The following CSMD1 variants were observed in gnomAD, a reference collection of about 807,000 sequenced individuals.
The protein encoded by CSMD1 is CUB and Sushi multiple domains 1.
In CSMD1, 213 loss-of-function variants were observed where a neutral mutation model predicts 417.5. The ratio of observed to expected loss-of-function variants is 0.51; its 90% CI spans 0.46 to 0.57. CSMD1 has a LOEUF of 0.57. Among genes scored for constraint, CSMD1 ranks in the 20% least tolerant of loss-of-function variants. The pLI, the probability that CSMD1 is intolerant of heterozygous loss-of-function variation, is 0.00. For synonymous variants in CSMD1, 2,862 were observed against 1,736.8 expected (o/e 1.65, Z -16.11); for missense variants, 6,923 against 4,529.7 (o/e 1.53, Z -15.17).
chr8:3,856,068 T>C (rs993609714), intron 5 of CSMD1, among the ~76,000 whole-genome samples: 9 of 152,272 alleles, frequency 5.9e-5, no homozygotes, highest in African/African-American at 1.9e-4. Flanking sequence ...TGGAATGGTT[T>C]GGATCTGTGT....
chr8:3,705,979 C>T (rs1300229076), intron 7 of CSMD1, among the ~76,000 whole-genome samples: 1 of 152,236 alleles, frequency 6.6e-6, no homozygotes, highest in African/African-American at 2.4e-5. Flanking sequence ...AAAGCACTTT[C>T]ATACTCAGTC....
At position 4,727,611 on chromosome 8, in the gene CSMD1, C is replaced by G. The variant is rs1255567231; in HGVS notation, c.86-90053G>C. On this transcript the variant is annotated intron_variant, in intron 1 of 69. Transcript: ENST00000635120. The stretch of plus-strand genomic sequence containing the variant: ...AACGTCTTCTAGCTGTTAATGACTT[C>G]CAAGTTTATATTTCCGTGATCTGGT... Among the ~76,000 whole-genome samples, 3 of 152,228 alleles carry G rather than the reference C, an allele frequency of 2.0e-5. No individual in the cohort carries two copies. In the East Asian group the frequency reaches 5.8e-4, roughly 29 times the overall value.
chr8:4,411,036 C>T (rs1158201374), intron 3 of CSMD1, among the ~76,000 whole-genome samples: 1 of 152,082 alleles, frequency 6.6e-6, no homozygotes, highest in African/African-American at 2.4e-5. Flanking sequence ...TCCCGTTTTG[C>T]TGGTCCACCA....
At chr8:3,585,378 G>C (rs1035570699) in intron 9 of CSMD1, among the ~76,000 whole-genome samples, 1 of 152,064 alleles carries the variant, frequency 6.6e-6, no homozygotes, top group Non-Finnish European at 1.5e-5. Flanking sequence ...TCAAACTAGG[G>C]CTTTTTCTCC....
chr8:3,915,143 C>T (rs776995216), intron 5 of CSMD1, among the ~76,000 whole-genome samples: 18 of 152,014 alleles, frequency 1.2e-4, no homozygotes, highest in South Asian at 2.1e-4. Context: ...TAGTAGTTCA[C>T]GCCTGTAATC....
intron 26 of CSMD1, among the ~76,000 whole-genome samples, chr8:3,254,459 C>T (rs934440684): frequency 6.6e-6 from 1 of 152,190 alleles, no homozygotes; most frequent in Non-Finnish European, 1.5e-5. Flanking sequence ...GGTTTATATC[C>T]TGCAGAGTGT....
At chr8:4,236,049 T>TTTTTTTTTTTTTTTTTTTG (rs1802035805) in intron 3 of CSMD1, among the ~76,000 whole-genome samples, 1 of 73,098 alleles carries the variant, frequency 1.4e-5, no homozygotes, top group African/African-American at 5.1e-5. Context: ...GTTTTTTTTT[T>TTTTTTTTTTTTTTTTTTTG]TTTTTTTTTT....
intron 6 of CSMD1, among the ~76,000 whole-genome samples, chr8:3,746,963 A>T (rs1267342023): frequency 6.6e-6 from 1 of 152,250 alleles, no homozygotes; most frequent in Non-Finnish European, 1.5e-5. Flanking sequence ...TGAGAAATAA[A>T]GCTGTGACTA....
intron 1 of CSMD1, among the ~76,000 whole-genome samples, chr8:4,865,719 G>T (rs76726717): frequency 6.6e-6 from 1 of 151,774 alleles, no homozygotes; most frequent in Non-Finnish European, 1.5e-5. Context: ...AATGCAAAAT[G>T]TATCTAAATT....
At chr8:4,352,768 C>T (rs190850123) in intron 3 of CSMD1, among the ~76,000 whole-genome samples, 2 of 152,184 alleles carry the variant, frequency 1.3e-5, no homozygotes, top group East Asian at 1.9e-4. Context: ...CCATGGCAGA[C>T]AAATCTACTG....
chr8:4,215,255 G>C (rs1012600195), intron 3 of CSMD1, among the ~76,000 whole-genome samples: 1 of 152,116 alleles, frequency 6.6e-6, no homozygotes, highest in South Asian at 2.1e-4. Context: ...CTTTTCTCCT[G>C]TTCATAGCCA....
intron 52 of CSMD1, among the ~76,000 whole-genome samples, chr8:3,011,640 A>G (rs1585145954): frequency 6.6e-6 from 1 of 152,328 alleles, no homozygotes; most frequent in East Asian, 1.9e-4. Flanking sequence ...ACAATCTAAT[A>G]AAAAATGATA....
chr8:3,308,551 C>G (rs778520671), intron 23 of CSMD1, 48 bp from the exon 24 acceptor site: 28 of 1,494,438 alleles, frequency 1.9e-5, no homozygotes, highest in Non-Finnish European at 2.2e-5. Context: ...GGGTGGACAT[C>G]TGCCTTAAAA....
intron 18 of CSMD1, among the ~76,000 whole-genome samples, chr8:3,381,461 A>C (rs1227760800): frequency 6.6e-6 from 1 of 152,214 alleles, no homozygotes; most frequent in Non-Finnish European, 1.5e-5. Flanking sequence ...AATTTAGGGT[A>C]ATTTAATAAA....
At chr8:3,268,287 CTATTTTT>C (rs573666156) in intron 26 of CSMD1, among the ~76,000 whole-genome samples, 20 of 114,650 alleles carry the variant, frequency 1.7e-4, no homozygotes, top group Non-Finnish European at 2.6e-4. Flanking sequence ...GGTTCATTTC[CTATTTTT>C]TTTTTTTTTT....
intron 33 of CSMD1, among the ~76,000 whole-genome samples, chr8:3,195,166 T>C (rs1345629595): frequency 3.9e-5 from 6 of 152,068 alleles, no homozygotes; most frequent in Middle Eastern, 3.4e-3. Context: ...TATAAGACAA[T>C]TGAAAAAAGT....
rs76538878 is a variant in CSMD1, at chr8:2,979,120, T to C, written c.8378-320A>G. 9.3e-3 allele frequency among the ~76,000 whole-genome samples: 1,414 copies of C among 152,342 alleles called. 9 individuals carry two copies. The highest frequency in any genetic ancestry group is 0.017 in the Middle Eastern group (5 of 294). Reference sequence around the variant, plus strand: ...TTTTTGTGTTCTAATAATGGTCAAATAGAACTAGCTGAGGTTCGTTTAAAT... The same window carrying C: ...TTTTTGTGTTCTAATAATGGTCAAACAGAACTAGCTGAGGTTCGTTTAAAT... On this transcript the variant is annotated intron_variant, in intron 54 of 69. Coordinates refer to ENST00000635120, the MANE Select transcript of CSMD1 (RefSeq NM_033225.6).
At chr8:4,420,338 G>T (rs927837526) in intron 2 of CSMD1, among the ~76,000 whole-genome samples, 2 of 151,504 alleles carry the variant, frequency 1.3e-5, no homozygotes, top group African/African-American at 4.8e-5. Flanking sequence ...AATGCTCCTC[G>T]TTTTTGGATG....
chr8:3,550,117 C>T (rs963903298), intron 10 of CSMD1, among the ~76,000 whole-genome samples: 3 of 152,148 alleles, frequency 2.0e-5, no homozygotes, highest in African/African-American at 7.2e-5. Flanking sequence ...AAAAAAGTGT[C>T]CCATTGGGAT....
Sources: gnomAD v4.1 joint callset for allele counts (sites outside exome capture counted in the v4.1 genomes callset) on GRCh38, gnomAD v4.1.1 for gene constraint, MANE v1.5 for transcripts, NCBI Gene and HGNC (gene_info 2026-07-23, HGNC 2026-07-21) for gene names.